CSDE1: variants seen among roughly 807,000 people sequenced by gnomAD.
The protein encoded by CSDE1 is cold shock domain-containing protein E1.
Under a neutral mutation model 89.3 loss-of-function variants are expected in CSDE1, and 17 were observed. The ratio of observed to expected loss-of-function variants is 0.19; its 90% CI spans 0.13 to 0.29. The LOEUF (loss-of-function observed/expected upper bound fraction) is 0.29, where lower values mean the gene tolerates loss of function less well. Among genes scored for constraint, CSDE1 ranks in the 10% least tolerant of loss-of-function variants. The pLI is 1.00. For synonymous variants in CSDE1, 322 were observed against 332.8 expected, an observed-to-expected ratio of 0.97 and a Z score of 0.35; for missense variants, 672 against 984.2, an observed-to-expected ratio of 0.68 and a Z score of 4.24.
At chr1:114,737,388 C>T (rs548598243) in intron 5 of CSDE1, 83 bp downstream of exon 5, 8 of 1,115,406 alleles carry the variant, frequency 7.2e-6, no homozygotes, top group African/African-American at 6.3e-5. Context: ...TTGCAGCTTA[C>T]GTTTTCTATT....
intron 1 of CSDE1, among the ~76,000 whole-genome samples, chr1:114,750,949 CTTG>C (rs1661274194): frequency 6.6e-6 from 1 of 152,210 alleles, no homozygotes; most frequent in South Asian, 2.1e-4. Context: ...ACATGTGTGG[CTTG>C]TTGTTTCAGA....
intron 17 of CSDE1, 142 bp from the exon 18 acceptor site, chr1:114,719,884 T>C (rs1659414864): frequency 2.7e-6 from 2 of 736,976 alleles, no homozygotes; most frequent in East Asian, 2.7e-5. Context: ...TGGCAAAACC[T>C]GTCAGGGAAG....
chr1:114,755,904 T>C (rs12136319), intron 1 of CSDE1, among the ~76,000 whole-genome samples: 21,634 of 152,272 alleles, frequency 0.14, 2,126 homozygotes, highest in Non-Finnish European at 0.21. Context: ...ACAGTTTCAA[T>C]AGACTTAGTG....
At chr1:114,720,754 C>A (rs1659470399) in intron 16 of CSDE1, 37 bp from the exon 17 acceptor site, 1 of 1,592,730 alleles carries the variant, frequency 6.3e-7, no homozygotes, top group Admixed American at 1.7e-5. Context: ...GCTAGTATTT[C>A]ACAACAGTCC....
intron 12 of CSDE1, among the ~76,000 whole-genome samples, chr1:114,729,710 T>C (rs1364492705): frequency 6.6e-6 from 1 of 152,184 alleles, no homozygotes; most frequent in East Asian, 1.9e-4. Flanking sequence ...CAATATTTTA[T>C]ATTCTATATG....
At position 114,737,005 on chromosome 1, in the gene CSDE1, AAC is replaced by A. The variant is rs1660441057; in HGVS notation, c.403-152_403-151del. The stretch of plus-strand genomic sequence containing the variant: ...TATGACAAGTCACTTTATTCATATA[AAC>A]ACACACTTCCCCTCCATGGTGCTGA... On this transcript the variant is annotated intron_variant, in intron 5 of 19. Transcript: ENST00000358528. 6.7e-6 allele frequency: 4 copies of A among 599,724 alleles called. No individual in the cohort carries two copies. The South Asian group carries it at 9.3e-5, about 14-fold the overall frequency. 37.2% of individuals were successfully genotyped at this position (599,724 alleles called of 1,614,324 possible). A position where few individuals can be genotyped will look rare whatever the true frequency, so the allele number is the denominator to read the frequency against.
At chr1:114,739,551 G>C (rs1454426304) in intron 3 of CSDE1, 141 bp downstream of exon 3, 1 of 659,296 alleles carries the variant, frequency 1.5e-6, no homozygotes, top group Non-Finnish European at 2.7e-6. Context: ...GGTTTATACA[G>C]ATATTCTTCA....
Position 114,718,159 on chromosome 1 carries a change from G to C in CSDE1, c.*10C>G, listed in dbSNP as rs369948708. On this transcript the variant is annotated 3_prime_UTR_variant, in exon 20 of 20. Transcript: ENST00000358528. Reference sequence around the variant, plus strand: ...TCATAGTGGATTAATGGTGTGCTTTGTGGATGTGGTTAGTCAATGACACCA... The same window carrying C: ...TCATAGTGGATTAATGGTGTGCTTTCTGGATGTGGTTAGTCAATGACACCA... 345 of 1,613,848 alleles carry C rather than the reference G, an allele frequency of 2.1e-4. 1 individual carries two copies. The highest frequency in any genetic ancestry group is 2.8e-4 in the Non-Finnish European group (330 of 1,179,950).
intron 18 of CSDE1, 152 bp downstream of exon 18, chr1:114,719,427 A>G: frequency 1.2e-6 from 1 of 844,224 alleles, no homozygotes; most frequent in Non-Finnish European, 1.7e-6. Context: ...CATGTACTAA[A>G]CAATCTTTTT....
chr1:114,732,703 C>A lies in CSDE1; in HGVS notation c.951G>T (p.Arg317Ser). The A allele has an allele frequency of 4.3e-6, 7 of 1,614,112 alleles. No homozygotes were observed. Among genetic ancestry groups the A allele is most frequent in the Non-Finnish European group, 5.9e-6 (7 of 1,180,008 alleles). The change falls in exon 10 of 20, where the codon AGG (arginine) becomes AGT (serine). Residue 317 changes from arginine to serine, a missense_variant. Physicochemically the swap from Arg to Ser is moderately radical, Grantham distance 110. This residue lies in a region of CSDE1 where 169 missense variants were observed against 262.9 expected (regional missense o/e 0.64). Transcript: ENST00000358528. Reference sequence around the variant, plus strand: ...CACGTCGGTCTGTTGAAATATTAAACCTAACATGGTCACCTTCCAGCAGGG... The same window carrying A: ...CACGTCGGTCTGTTGAAATATTAAAACTAACATGGTCACCTTCCAGCAGGG... Reference protein sequence around the residue: ...KVTLLEGDHVRFNISTDRRDK... With the variant: ...KVTLLEGDHVSFNISTDRRDK...
chr1:114,735,202 A>T (rs1487157320), intron 6 of CSDE1, among the ~76,000 whole-genome samples: 1 of 152,192 alleles, frequency 6.6e-6, no homozygotes, highest in East Asian at 1.9e-4. Flanking sequence ...TGTAAATTCA[A>T]TTTTGTTTTT....
At chr1:114,735,853 C>G (rs917146637) in intron 6 of CSDE1, among the ~76,000 whole-genome samples, 5 of 152,150 alleles carry the variant, frequency 3.3e-5, no homozygotes, top group Admixed American at 1.3e-4. Context: ...AATTCTACAG[C>G]TCTATATACT....
intron 1 of CSDE1, among the ~76,000 whole-genome samples, 163 bp downstream of exon 1, chr1:114,757,762 G>A (rs1661697926): frequency 6.6e-6 from 1 of 152,092 alleles, no homozygotes; most frequent in South Asian, 2.1e-4. Flanking sequence ...AACGGGAGAC[G>A]TATGAAAAAG....
intron 16 of CSDE1, among the ~76,000 whole-genome samples, chr1:114,722,754 A>G (rs763451492): frequency 2.6e-5 from 4 of 152,210 alleles, no homozygotes; most frequent in Non-Finnish European, 5.9e-5. Flanking sequence ...AGTTAAAGTT[A>G]GTAGTCCATA....
Position 114,729,653 on chromosome 1 carries a change from C to A in CSDE1, c.1356+605G>T, listed in dbSNP as rs920377638. On this transcript the variant is annotated intron_variant, in intron 12 of 19. Transcript: ENST00000358528. ...CATCTGTTAGTAAAACCATCACATA[C>A]CCTACCAGTTAATTTTCACCAGAGC... 5.3e-5 allele frequency among the ~76,000 whole-genome samples: 8 copies of A among 152,118 alleles called. 1 individual carries two copies. The South Asian group carries it at 8.3e-4, about 16-fold the overall frequency.
chr1:114,732,846 G>A, intron 9 of CSDE1, 30 bp from the exon 10 acceptor site: 2 of 1,552,786 alleles, frequency 1.3e-6, no homozygotes, highest in South Asian at 1.1e-5. Context: ...ATTTTAGCTG[G>A]AGATTTCTCA....
intron 1 of CSDE1, chr1:114,756,656 A>C (rs966062788): frequency 9.9e-5 from 15 of 152,236 alleles, no homozygotes; most frequent in Non-Finnish European, 2.1e-4. Flanking sequence ...TAAGCCTCTC[A>C]AAAAGATTTA....
intron 5 of CSDE1, 136 bp downstream of exon 5, chr1:114,737,335 T>G: frequency 1.4e-6 from 1 of 707,282 alleles, no homozygotes; most frequent in South Asian, 2.0e-5. Flanking sequence ...TTATGCTGCA[T>G]TTGAAGCCTC....
chr1:114,732,499 T>G (rs1660157442), intron 10 of CSDE1, 105 bp downstream of exon 10: 8 of 972,906 alleles, frequency 8.2e-6, no homozygotes, highest in South Asian at 1.5e-5. Context: ...TAAATGCCCA[T>G]TAGGGTCATT....
Sources: gnomAD v4.1 joint callset for allele counts (sites outside exome capture counted in the v4.1 genomes callset) on GRCh38, gnomAD v4.1.1 for gene constraint, gnomAD v4.1.1 regional missense constraint, MANE v1.5 for transcripts, NCBI Gene and HGNC (gene_info 2026-07-23, HGNC 2026-07-21) for gene names.